URB1: variants seen among roughly 807,000 people sequenced by gnomAD.
URB1 encodes URB1 ribosome biogenesis factor.
URB1 carries 197 observed loss-of-function variants against 242.3 expected under a neutral mutation model. That is an observed-to-expected ratio of 0.81 (90% CI 0.72 to 0.91). The LOEUF (loss-of-function observed/expected upper bound fraction) is 0.91, where lower values mean the gene tolerates loss of function less well. Among genes scored for constraint, URB1 ranks in the 40% least tolerant of loss-of-function variants. The probability of loss-of-function intolerance (pLI) is 0.00; values close to 1 mark genes in which losing one functional copy is unlikely to be tolerated. For synonymous variants in URB1, 1,153 were observed against 1,201.8 expected, an observed-to-expected ratio of 0.96 and a Z score of 0.84; for missense variants, 2,721 against 2,860.5, an observed-to-expected ratio of 0.95 and a Z score of 1.11.
rs1344842580 is a variant in URB1 at position 32,347,178 on chromosome 21, C to T, written c.3646G>A (p.Ala1216Thr). The change falls in exon 22 of 39, where the codon GCT (alanine) becomes ACT (threonine). Residue 1216 changes from alanine (A) to threonine (T), a missense_variant. By Grantham distance (58) the Ala-to-Thr change is moderately conservative. Transcript: ENST00000382751. ...GCCAGGCAGTAGTCAAGCAGATCAG[C>T]CCCGACTGCGGGGGCCAGCACAGGG... ...RDPVLAPAVG[A>T]DLLDYCLARR... 3.9e-6 allele frequency: 6 copies of T among 1,549,396 alleles called. No homozygotes were observed. The highest frequency in any genetic ancestry group is 5.2e-6 in the Non-Finnish European group (6 of 1,146,564).
In URB1 at chr21:32,315,098, G is replaced by A; in HGVS notation, c.6636C>T (p.Ala2212=). 1 of 1,520,636 alleles carries A rather than the reference G, an allele frequency of 6.6e-7. No homozygotes were observed. Among genetic ancestry groups the A allele is most frequent in the Non-Finnish European group, 8.9e-7 (1 of 1,126,720 alleles). The allele number at this position is 1,520,636 out of a possible 1,614,324, so 94.2% of individuals were successfully genotyped here. A position where few individuals can be genotyped will look rare whatever the true frequency, so the allele number is the denominator to read the frequency against. The change falls in exon 39 of 39, where the codon GCC becomes GCT. Residue 2212 remains alanine (A), a splice_region_variant and synonymous_variant. Coordinates refer to ENST00000382751, the MANE Select transcript of URB1 (RefSeq NM_014825.3). The part of the protein sequence containing the change: ...SLSEKDEATQ[A]SAAFLVSLYI... ...AGAGAGACACTAGGAATGCTGCGGA[G>A]GCTGAACAAGAGCAGGGGATAGGCC...
chr21:32,373,740 C>T lies in URB1; in HGVS notation c.783G>A (p.Gln261=), dbSNP rs1246011026. 1 of 1,545,938 alleles carries T rather than the reference C, an allele frequency of 6.5e-7. No individual in the cohort carries two copies. The highest frequency in any genetic ancestry group is 1.4e-5 in the African/African-American group (1 of 72,820). The change falls in exon 7 of 39, where the codon CAG becomes CAA. Residue 261 remains glutamine, a synonymous_variant. Coordinates refer to ENST00000382751, the MANE Select transcript of URB1 (RefSeq NM_014825.3). ...VVHNKNITKT[Q]KVRFFTGQLL... is the part of the protein sequence containing the mutation. ...ACTGCCCCGTAAAGAAACGCACCTT[C>T]TGGGTTTTTGTGATATTTTTATTGT...
intron 3 of URB1, 70 bp from the exon 4 acceptor site, chr21:32,383,624 G>A: frequency 7.0e-7 from 1 of 1,431,134 alleles, no homozygotes; most frequent in Non-Finnish European, 9.2e-7. Context: ...TCACCACAAA[G>A]CCAGCTGCAA....
chr21:32,387,275 GA>G (rs2033593423), intron 1 of URB1, among the ~76,000 whole-genome samples: 1 of 152,060 alleles, frequency 6.6e-6, no homozygotes, highest in African/African-American at 2.4e-5. Flanking sequence ...TCTCCTGCCA[GA>G]ACCTGTTCTA....
chr21:32,334,827 C>T (rs1249366966), intron 28 of URB1, among the ~76,000 whole-genome samples: 1 of 152,150 alleles, frequency 6.6e-6, no homozygotes, highest in Non-Finnish European at 1.5e-5. Context: ...CACATGTGGC[C>T]ACGAGTGAAC....
At position 32,363,321 on chromosome 21, in the gene URB1, G is replaced by A. The variant is rs1465983689; in HGVS notation, c.1344C>T (p.Ser448=). 1 of 1,551,220 alleles carries A rather than the reference G, an allele frequency of 6.4e-7. No homozygotes were observed. The highest frequency in any genetic ancestry group is 2.0e-5 in the Admixed American group (1 of 50,982). ...SMFTQALNLD[S]TSVRHTALSL... Reference sequence around the variant, plus strand: ...ATAAGGCTGTGTGCCTCACTGAGGTGCTGTCCAACTGGGAAGAAAAAGAGT... The same window carrying A: ...ATAAGGCTGTGTGCCTCACTGAGGTACTGTCCAACTGGGAAGAAAAAGAGT... Residue 448 remains serine (S), a synonymous_variant, in exon 11 of 39, where the codon AGC becomes AGT. Coordinates refer to ENST00000382751, the MANE Select transcript of URB1 (RefSeq NM_014825.3).
chr21:32,333,399 G>A lies in URB1; in HGVS notation c.4878C>T (p.Phe1626=), dbSNP rs1387853979. ...CAAGATCCACCCTGCTTTTGTCTTTGAATATCAGCTCCTGTGTGTCCTGAA... is the reference window on the plus strand; with the variant it reads ...CAAGATCCACCCTGCTTTTGTCTTTAAATATCAGCTCCTGTGTGTCCTGAA... ...LPPEDTQELI[F]KDKSRVDLDG... Residue 1626 remains phenylalanine, a synonymous_variant, in exon 30 of 39, where the codon TTC becomes TTT. Transcript: ENST00000382751. The A allele has an allele frequency of 6.4e-7, 1 of 1,551,610 alleles. No homozygotes were observed. The highest frequency in any genetic ancestry group is 2.4e-5 in the East Asian group (1 of 40,906).
intron 7 of URB1, 91 bp downstream of exon 7, chr21:32,373,556 A>T: frequency 7.3e-7 from 1 of 1,370,234 alleles, no homozygotes; most frequent in Non-Finnish European, 9.6e-7. Context: ...GGGGACTTCA[A>T]GTCTGGTGCG....
chr21:32,317,897 T>A lies in URB1; in HGVS notation c.5813A>T (p.Gln1938Leu), dbSNP rs1221770672. The change falls in exon 37 of 39, where the codon CAG becomes CTG. Residue 1938 changes from glutamine to leucine, a missense_variant. Transcript: ENST00000382751. ...AAGTGTCCCGAAGAAGTTGGTCAGC[T>A]GGACGGGGGCCAAGGTGGGCCTGTT... ...KHLRPTLAPV[Q>L]LTNFFGTLDS... The A allele has an allele frequency of 1.3e-6, 2 of 1,551,710 alleles. No individual in the cohort carries two copies. The highest frequency in any genetic ancestry group is 4.9e-5 in the East Asian group (2 of 40,908).
At chr21:32,333,751 C>A (rs904426296) in intron 29 of URB1, among the ~76,000 whole-genome samples, 1 of 152,180 alleles carries the variant, frequency 6.6e-6, no homozygotes. Flanking sequence ...AATTTTGGAA[C>A]ATTTCAGATT....
chr21:32,316,351 A>T (rs987986642), intron 38 of URB1, 115 bp downstream of exon 38: 1 of 1,412,818 alleles, frequency 7.1e-7, no homozygotes, highest in African/African-American at 1.4e-5. Flanking sequence ...CAAGCACAAT[A>T]CCCAGCTGAG....
intron 19 of URB1, among the ~76,000 whole-genome samples, chr21:32,351,132 T>C (rs2033152943): frequency 1.3e-5 from 2 of 152,226 alleles, no homozygotes; most frequent in Admixed American, 1.3e-4. Context: ...GCGTTTCCAC[T>C]GACCACATGT....
At chr21:32,347,855 G>A (rs1300139497) in intron 21 of URB1, 44 bp from the exon 22 acceptor site, 3 of 1,487,566 alleles carry the variant, frequency 2.0e-6, no homozygotes, top group East Asian at 2.5e-5. Flanking sequence ...AGAGCACAGG[G>A]CTAAGACAGG....
intron 12 of URB1, 27 bp downstream of exon 12, chr21:32,361,864 AG>A: frequency 6.5e-7 from 1 of 1,548,186 alleles, no homozygotes; most frequent in Non-Finnish European, 8.7e-7. Context: ...CAAAAGGCAG[AG>A]GGTCCCCCTC....
chr21:32,334,461 A>T, intron 28 of URB1, 127 bp from the exon 29 acceptor site: 1 of 1,116,680 alleles, frequency 9.0e-7, no homozygotes, highest in African/African-American at 1.6e-5. Flanking sequence ...TGAGCATGCG[A>T]CGTGTTATAT....
chr21:32,385,516 T>A, intron 2 of URB1, 29 bp downstream of exon 2: 1 of 1,540,596 alleles, frequency 6.5e-7, no homozygotes, highest in Non-Finnish European at 8.8e-7. Context: ...TTTTCTTCTC[T>A]TCATCAAGCC....
intron 25 of URB1, among the ~76,000 whole-genome samples, chr21:32,340,283 G>A (rs886748174): frequency 6.6e-6 from 1 of 152,220 alleles, no homozygotes; most frequent in Non-Finnish European, 1.5e-5. Context: ...AGGATGTTAA[G>A]GGAAAATGAA....
At position 32,324,599 on chromosome 21, in the gene URB1, G is replaced by A; in HGVS notation, c.5125C>T (p.Leu1709Phe). The change falls in exon 32 of 39, where the codon CTT (leucine) becomes TTT (phenylalanine). Residue 1709 changes from leucine (L) to phenylalanine (F), a missense_variant. Physicochemically the swap from Leu to Phe is conservative, Grantham distance 22. Coordinates refer to ENST00000382751, the MANE Select transcript of URB1 (RefSeq NM_014825.3). ...GARFQEQSQLLYLLDVVRNGI... is the reference protein window; with the variant it reads ...GARFQEQSQLFYLLDVVRNGI... ...TTCCGGACTACATCCAACAGGTAAA[G>A]TAGCTTGAAAACAGAACAGAAAAGG... 1.9e-6 allele frequency: 3 copies of A among 1,550,706 alleles called. No homozygotes were observed. The highest frequency in any genetic ancestry group is 2.6e-6 in the Non-Finnish European group (3 of 1,146,056).
chr21:32,316,379 G>A (rs1468220519), intron 38 of URB1, 87 bp downstream of exon 38: 4 of 1,439,576 alleles, frequency 2.8e-6, no homozygotes, highest in Non-Finnish European at 3.7e-6. Context: ...GCAGAAACCT[G>A]AGTGTTCTAA....
Sources: allele counts gnomAD v4.1 joint callset (sites outside exome capture counted in the v4.1 genomes callset), GRCh38; gene constraint gnomAD v4.1.1; transcripts MANE v1.5; gene names NCBI Gene and HGNC (gene_info 2026-07-23, HGNC 2026-07-21).